LDB2: variants seen among roughly 807,000 people sequenced by gnomAD.
LDB2 encodes the protein LIM domain binding 2, also known as LIM domain-binding protein 2.
LDB2 carries 12 observed loss-of-function variants against 44.3 expected under a neutral mutation model. The observed-to-expected ratio is 0.27, with a 90% confidence interval of 0.17 to 0.44. LDB2 has a LOEUF of 0.44. LDB2 is among the 20% of genes least tolerant of loss of function. LDB2 has a pLI of 1.00. For missense variants in LDB2, 344 were observed against 473.5 expected, an observed-to-expected ratio of 0.73 and a Z score of 2.54; for synonymous variants, 164 against 174.8, an observed-to-expected ratio of 0.94 and a Z score of 0.49.
At chr4:16,692,205 A>G (rs1356011513) in intron 2 of LDB2, among the ~76,000 whole-genome samples, 1 of 152,232 alleles carries the variant, frequency 6.6e-6, no homozygotes, top group Non-Finnish European at 1.5e-5. Context: ...AGATGCGTAC[A>G]TAAACTTATG....
intron 5 of LDB2, among the ~76,000 whole-genome samples, chr4:16,523,885 C>A (rs1205701304): frequency 6.6e-6 from 1 of 152,150 alleles, no homozygotes; most frequent in East Asian, 1.9e-4. Flanking sequence ...GAAACAAAAC[C>A]ATAGGTAAGA....
At chr4:16,770,930 T>C (rs1247875721) in intron 1 of LDB2, among the ~76,000 whole-genome samples, 1 of 152,082 alleles carries the variant, frequency 6.6e-6, no homozygotes, top group African/African-American at 2.4e-5. Flanking sequence ...ACCATCTAGG[T>C]GTGAGAGGTC....
At chr4:16,590,900 C>T (rs762621255) in intron 3 of LDB2, among the ~76,000 whole-genome samples, 1 of 152,136 alleles carries the variant, frequency 6.6e-6, no homozygotes, top group Non-Finnish European at 1.5e-5. Flanking sequence ...GCATCATCAA[C>T]TTTGGAATTA....
chr4:16,719,530 T>C (rs540389361), intron 2 of LDB2, among the ~76,000 whole-genome samples: 1 of 152,254 alleles, frequency 6.6e-6, no homozygotes, highest in African/African-American at 2.4e-5. Context: ...ATTCATCCTT[T>C]TGAAGATGCT....
intron 2 of LDB2, among the ~76,000 whole-genome samples, chr4:16,695,006 C>T (rs1392921120): frequency 6.6e-6 from 1 of 152,208 alleles, no homozygotes; most frequent in South Asian, 2.1e-4. Flanking sequence ...TCTTATCTGT[C>T]TTTCCTTTCT....
At chr4:16,803,266 C>T (rs1052206852) in intron 1 of LDB2, among the ~76,000 whole-genome samples, 63 of 152,104 alleles carry the variant, frequency 4.1e-4, no homozygotes, top group Admixed American at 3.4e-3. Flanking sequence ...TATATCAAGT[C>T]ATTGACTCAA....
At position 16,533,372 on chromosome 4, in the gene LDB2, A is replaced by G. The variant is rs1730759949; in HGVS notation, c.616-21268T>C. ...AAATGGAAATAATAATAGCTACCTC[A>G]TGGATCTGAGGATACAAAGCAAAAT... On this transcript the variant is annotated intron_variant, in intron 5 of 7. Transcript: ENST00000304523. This position sits in a 1 kb window ranked among gnomAD's most constrained non-coding sequence, Gnocchi z 4.1. Among the ~76,000 whole-genome samples, 1 of 152,224 alleles carries G rather than the reference A, an allele frequency of 6.6e-6. No homozygotes were observed. Among genetic ancestry groups the G allele is most frequent in the Non-Finnish European group, 1.5e-5 (1 of 68,028 alleles).
intron 1 of LDB2, among the ~76,000 whole-genome samples, chr4:16,821,383 T>TATTTA (rs71181189): frequency 8.9e-6 from 1 of 112,252 alleles, no homozygotes; most frequent in African/African-American, 2.9e-5. Flanking sequence ...TGAATTTTTT[T>TATTTA]TTTATTTTTT....
intron 2 of LDB2, among the ~76,000 whole-genome samples, chr4:16,720,784 A>T (rs1758098486): frequency 6.6e-6 from 1 of 152,216 alleles, no homozygotes; most frequent in Non-Finnish European, 1.5e-5. Flanking sequence ...AACATTTACT[A>T]AGGAATTACC....
intron 2 of LDB2, among the ~76,000 whole-genome samples, chr4:16,638,448 G>A (rs185744954): frequency 1.3e-5 from 2 of 152,282 alleles, no homozygotes; most frequent in Admixed American, 6.5e-5. Flanking sequence ...CTTGTCCAAC[G>A]CAGCCCGATC....
rs189696837 is a variant in LDB2, at chr4:16,546,311, T to G, written c.616-34207A>C. ...CGTTTGAAGGCGCAATTAAAACAAC[T>G]TCTGGACGAATTCTAAAATGTGAAT... On this transcript the variant is annotated intron_variant, in intron 5 of 7. Coordinates refer to ENST00000304523, the MANE Select transcript of LDB2 (RefSeq NM_001290.5). Among the ~76,000 whole-genome samples, 10 of 152,360 alleles carry G rather than the reference T, an allele frequency of 6.6e-5. No homozygotes were observed. In the East Asian group the frequency reaches 1.9e-3, roughly 29 times the overall value.
At chr4:16,654,659 T>C (rs1252738904) in intron 2 of LDB2, among the ~76,000 whole-genome samples, 1 of 152,202 alleles carries the variant, frequency 6.6e-6, no homozygotes, top group Non-Finnish European at 1.5e-5. Context: ...CTTGCTATCT[T>C]AAGAGATAAA....
At position 16,800,954 on chromosome 4, in the gene LDB2, C is replaced by T. The variant is rs552640100; in HGVS notation, c.133-41694G>A. On this transcript the variant is annotated intron_variant, in intron 1 of 7. Transcript: ENST00000304523. ...CCTCCCAGCGTGGTGGGATTACAGG[C>T]GTGAGCCACCGCGCCCGGCCGGAAG... is the stretch of plus-strand genomic sequence containing the variant. Among the ~76,000 whole-genome samples, 261 of 152,312 alleles carry T rather than the reference C, an allele frequency of 1.7e-3. 2 individuals are homozygous for T. Among genetic ancestry groups the T allele is most frequent in the African/African-American group, 6.1e-3 (253 of 41,566 alleles).
intron 1 of LDB2, among the ~76,000 whole-genome samples, chr4:16,805,932 G>A (rs1245715731): frequency 6.6e-6 from 1 of 152,086 alleles, no homozygotes; most frequent in East Asian, 1.9e-4. Context: ...AAAACCATAG[G>A]CTGTCCTGAA....
chr4:16,552,265 G>A (rs549042874), intron 5 of LDB2, among the ~76,000 whole-genome samples: 12 of 151,950 alleles, frequency 7.9e-5, no homozygotes, highest in East Asian at 1.9e-4. Context: ...TTCAGATGGC[G>A]GTGACCCAGG....
chr4:16,789,560 A>G (rs1403099259), intron 1 of LDB2, among the ~76,000 whole-genome samples: 1 of 152,230 alleles, frequency 6.6e-6, no homozygotes, highest in African/African-American at 2.4e-5. Flanking sequence ...TGAAAATAAC[A>G]CAACTACCAT....
intron 3 of LDB2, among the ~76,000 whole-genome samples, chr4:16,590,713 A>G (rs535780586): frequency 1.9e-4 from 29 of 152,322 alleles, no homozygotes; most frequent in African/African-American, 7.0e-4. Flanking sequence ...CTGGGTGAAG[A>G]CCTTTGCCTC....
intron 5 of LDB2, among the ~76,000 whole-genome samples, chr4:16,558,944 C>T (rs1470313868): frequency 9.2e-5 from 14 of 152,182 alleles, no homozygotes; most frequent in Non-Finnish European, 2.1e-4. Context: ...CCCAGAATTT[C>T]ATATCCAGCC....
chr4:16,635,478 A>C (rs999666645), intron 2 of LDB2, among the ~76,000 whole-genome samples: 1 of 152,126 alleles, frequency 6.6e-6, no homozygotes, highest in Non-Finnish European at 1.5e-5. Flanking sequence ...AAGAGTTTAA[A>C]GATTGACTTT....
Sources: gnomAD v4.1 joint callset for allele counts (sites outside exome capture counted in the v4.1 genomes callset) on GRCh38, gnomAD v4.1.1 for gene constraint, Gnocchi (gnomAD v3.1) non-coding constraint, MANE v1.5 for transcripts, NCBI Gene and HGNC (gene_info 2026-07-23, HGNC 2026-07-21) for gene names.